The following NCAM2 variants were observed in gnomAD, a reference collection of about 807,000 sequenced individuals.
The protein encoded by NCAM2 is N-CAM-2.
In NCAM2, 30 loss-of-function variants were observed where a neutral mutation model predicts 98.1. The observed-to-expected ratio is 0.31, with a 90% CI of 0.23 to 0.41. The LOEUF is 0.41. Among genes scored for constraint, NCAM2 ranks in the 10% least tolerant of loss-of-function variants. The pLI, the probability that NCAM2 is intolerant of heterozygous loss-of-function variation, is 1.00. For missense variants in NCAM2, 867 were observed against 1,005.8 expected, an observed-to-expected ratio of 0.86 and a Z score of 1.87; for synonymous variants, 368 against 342.4, an observed-to-expected ratio of 1.07 and a Z score of -0.83.
At chr21:21,167,328 C>A (rs2067984561) in intron 1 of NCAM2, among the ~76,000 whole-genome samples, 1 of 151,942 alleles carries the variant, frequency 6.6e-6, no homozygotes, top group African/African-American at 2.4e-5. Flanking sequence ...TCCAATATAT[C>A]TGTTTACTTC....
rs546240151 is a variant in NCAM2, at chr21:21,501,634, A to G, written c.2078-7217A>G. 1.7e-3 allele frequency among the ~76,000 whole-genome samples: 220 copies of G among 133,066 alleles called. 1 individual carries two copies. Among genetic ancestry groups the G allele is most frequent in the African/African-American group, 5.7e-3 (210 of 36,782 alleles). 87.3% of individuals were successfully genotyped at this position (133,066 alleles called of 152,430 possible). A position where few individuals can be genotyped will look rare whatever the true frequency, so the allele number is the denominator to read the frequency against. ...TAATGTTCCTTTTTTTTTTTTTGCT[A>G]TGTAGCTGCAGAAGTCTTTAGACTA... On this transcript the variant is annotated intron_variant, in intron 15 of 17. Coordinates refer to ENST00000400546, the MANE Select transcript of NCAM2 (RefSeq NM_004540.5).
rs1988769119 is a variant in NCAM2 at position 21,517,361 on chromosome 21, G to A, written c.2282+8306G>A. Among the ~76,000 whole-genome samples the A allele has an allele frequency of 2.6e-5, 4 of 152,126 alleles. No individual in the cohort carries two copies. In the South Asian group the frequency reaches 8.3e-4, roughly 32 times the overall value. The stretch of plus-strand genomic sequence containing the variant: ...TAAATTACAAGCTCATTGATTATTG[G>A]CATTGGCTCATATTAACATTAACAT... On this transcript the variant is annotated intron_variant, in intron 16 of 17. Coordinates refer to ENST00000400546, the MANE Select transcript of NCAM2 (RefSeq NM_004540.5).
At position 21,245,748 on chromosome 21, in the gene NCAM2, ATTTC is replaced by A. The variant is rs530659234; in HGVS notation, c.56-34819_56-34816del. ...TTTTCCTAAAACCCTCAGTTACATTATTTCTTTCTTTCTTCCCTGAGGGAGAGGA... is the reference window on the plus strand; with the variant it reads ...TTTTCCTAAAACCCTCAGTTACATTATTTCTTTCTTCCCTGAGGGAGAGGA... On this transcript the variant is annotated intron_variant, in intron 1 of 17. Transcript: ENST00000400546. Among the ~76,000 whole-genome samples the A allele has an allele frequency of 4.0e-3, 602 of 152,194 alleles. 4 individuals are homozygous for A. Among genetic ancestry groups the A allele is most frequent in the African/African-American group, 0.013 (546 of 41,530 alleles).
At chr21:21,045,407 G>A (rs958673197) in intron 1 of NCAM2, among the ~76,000 whole-genome samples, 2 of 152,194 alleles carry the variant, frequency 1.3e-5, no homozygotes, top group Non-Finnish European at 2.9e-5. Flanking sequence ...ACTTTGGGAG[G>A]CCAAGGTGGG....
chr21:21,177,661 T>C lies in NCAM2; in HGVS notation c.56-102917T>C, dbSNP rs538166510. Among the ~76,000 whole-genome samples the C allele has an allele frequency of 8.5e-5, 13 of 152,152 alleles. No individual in the cohort carries two copies. In the East Asian group the frequency reaches 1.4e-3, roughly 16 times the overall value. On this transcript the variant is annotated intron_variant, in intron 1 of 17. Transcript: ENST00000400546. ...TATTTTATAAAAAGTAATGCCATGT[T>C]AACATGTGTTCCTTTCCCTTTCCAT...
At chr21:21,122,453 T>G (rs1207273794) in intron 1 of NCAM2, among the ~76,000 whole-genome samples, 2 of 152,206 alleles carry the variant, frequency 1.3e-5, no homozygotes, top group Non-Finnish European at 2.9e-5. Context: ...CATTGTGAAT[T>G]TCCACAATAA....
At chr21:21,106,838 T>C (rs986274402) in intron 1 of NCAM2, among the ~76,000 whole-genome samples, 2 of 152,124 alleles carry the variant, frequency 1.3e-5, no homozygotes, top group African/African-American at 4.8e-5. Context: ...CACAAATGTT[T>C]TAAAAATTGT....
intron 16 of NCAM2, among the ~76,000 whole-genome samples, chr21:21,532,606 TAGTTCATC>T (rs1989768067): frequency 6.6e-6 from 1 of 152,192 alleles, no homozygotes; most frequent in Non-Finnish European, 1.5e-5. Context: ...CATTGTGCTT[TAGTTCATC>T]GTATATTTGT....
intron 1 of NCAM2, among the ~76,000 whole-genome samples, chr21:21,152,982 T>G (rs779171569): frequency 6.6e-6 from 1 of 151,990 alleles, no homozygotes; most frequent in Non-Finnish European, 1.5e-5. Context: ...GTATTGTGTC[T>G]GGTAAGTGTC....
At chr21:21,149,788 C>G (rs532352206) in intron 1 of NCAM2, among the ~76,000 whole-genome samples, 57 of 152,226 alleles carry the variant, frequency 3.7e-4, no homozygotes, top group Middle Eastern at 3.4e-3. Flanking sequence ...TGTATATGTG[C>G]CACATTTTCT....
intron 1 of NCAM2, among the ~76,000 whole-genome samples, chr21:21,182,908 A>C (rs1274450493): frequency 1.3e-5 from 2 of 152,150 alleles, no homozygotes; most frequent in Non-Finnish European, 2.9e-5. Context: ...CTCTTCTGTG[A>C]GACAAAATAA....
At chr21:21,225,276 T>G (rs1359107252) in intron 1 of NCAM2, among the ~76,000 whole-genome samples, 1 of 151,762 alleles carries the variant, frequency 6.6e-6, no homozygotes, top group Non-Finnish European at 1.5e-5. Flanking sequence ...AGGGAGAGCA[T>G]TAGGAAAGAT....
intron 16 of NCAM2, among the ~76,000 whole-genome samples, chr21:21,529,433 G>A (rs1989502967): frequency 6.6e-6 from 1 of 152,024 alleles, no homozygotes; most frequent in South Asian, 2.1e-4. Flanking sequence ...TTATTTGCAA[G>A]TAAGTTATTC....
chr21:21,141,178 C>T (rs1458109739), intron 1 of NCAM2, among the ~76,000 whole-genome samples: 2 of 152,080 alleles, frequency 1.3e-5, no homozygotes, highest in Non-Finnish European at 2.9e-5. Context: ...AAATGGTTTT[C>T]AAGTTTTTCG....
chr21:21,371,537 TGC>T (rs1235009958), intron 8 of NCAM2, among the ~76,000 whole-genome samples: 1 of 151,752 alleles, frequency 6.6e-6, no homozygotes, highest in African/African-American at 2.4e-5. Context: ...CTGTCTTCTG[TGC>T]GTATTCTTGC....
intron 5 of NCAM2, among the ~76,000 whole-genome samples, chr21:21,312,946 A>G (rs2074102950): frequency 6.6e-6 from 1 of 151,608 alleles, no homozygotes; most frequent in South Asian, 2.1e-4. Flanking sequence ...TTTTATTTTG[A>G]GTAACTTTGT....
intron 1 of NCAM2, among the ~76,000 whole-genome samples, chr21:20,999,451 CTGT>C (rs1027817137): frequency 2.0e-5 from 3 of 151,998 alleles, no homozygotes; most frequent in African/African-American, 7.3e-5. Context: ...ATTTATCTGG[CTGT>C]TTAGATAGTA....
At chr21:21,150,400 G>C (rs1431340694) in intron 1 of NCAM2, among the ~76,000 whole-genome samples, 2 of 152,030 alleles carry the variant, frequency 1.3e-5, no homozygotes, top group Non-Finnish European at 2.9e-5. Flanking sequence ...GATGAGAACA[G>C]ATATCCTTGT....
At chr21:21,225,426 A>G (rs2070342930) in intron 1 of NCAM2, among the ~76,000 whole-genome samples, 3 of 152,076 alleles carry the variant, frequency 2.0e-5, no homozygotes, top group Admixed American at 2.0e-4. Flanking sequence ...AAAAATAACA[A>G]GTACCCAACA....
Sources: gnomAD v4.1 joint callset for allele counts (sites outside exome capture counted in the v4.1 genomes callset) on GRCh38, gnomAD v4.1.1 for gene constraint, MANE v1.5 for transcripts, NCBI Gene and HGNC (gene_info 2026-07-23, HGNC 2026-07-21) for gene names.